Variants in PHF20 observed in about 807,000 individuals in gnomAD.
PHF20 encodes glioma-expressed antigen 2.
In PHF20, 23 loss-of-function variants were observed where a neutral mutation model predicts 113.5. That is an observed-to-expected ratio of 0.20 (90% confidence interval 0.15 to 0.29). PHF20 has a LOEUF of 0.29. Among genes scored for constraint, PHF20 ranks in the 10% least tolerant of loss-of-function variants. The pLI is 1.00. For synonymous variants in PHF20, 434 were observed against 457.3 expected (o/e 0.95, Z 0.65); for missense variants, 943 against 1,219.6 (o/e 0.77, Z 3.38).
chr20:35,904,076 A>C (rs976453563), intron 10 of PHF20, among the ~76,000 whole-genome samples: 1 of 152,018 alleles, frequency 6.6e-6, no homozygotes, highest in Non-Finnish European at 1.5e-5. Context: ...GGAATTTCAG[A>C]CAGTGTGGGG....
At chr20:35,934,719 A>G (rs887435326) in intron 15 of PHF20, among the ~76,000 whole-genome samples, 11 of 138,960 alleles carry the variant, frequency 7.9e-5, no homozygotes, top group African/African-American at 3.0e-4. Flanking sequence ...CCCTGCTTAT[A>G]CTTAGAAGTA....
Position 35,801,082 on chromosome 20 carries a change from C to T in PHF20, c.-32-409C>T, listed in dbSNP as rs117343000. Among the ~76,000 whole-genome samples the T allele has an allele frequency of 3.9e-5, 6 of 152,276 alleles. No homozygotes were observed. The East Asian group carries it at 1.2e-3, about 29-fold the overall frequency. On this transcript the variant is annotated intron_variant, in intron 1 of 17. Coordinates refer to ENST00000374012, the MANE Select transcript of PHF20 (RefSeq NM_016436.5). ...TGCTGGCTAAATTTTTGTGTTTCCCCGGTAGACTGAAGGGTTCTTGAGGGC... is the reference window on the plus strand; with the variant it reads ...TGCTGGCTAAATTTTTGTGTTTCCCTGGTAGACTGAAGGGTTCTTGAGGGC...
intron 6 of PHF20, among the ~76,000 whole-genome samples, chr20:35,865,839 C>T (rs1255190489): frequency 6.6e-6 from 1 of 152,040 alleles, no homozygotes; most frequent in African/African-American, 2.4e-5. Flanking sequence ...GTAAAAAATT[C>T]AAAATTGGCC....
At chr20:35,775,649 G>C (rs2146821067) in intron 1 of PHF20, among the ~76,000 whole-genome samples, 1 of 150,562 alleles carries the variant, frequency 6.6e-6, no homozygotes, top group South Asian at 2.1e-4. Context: ...AGCTACATGG[G>C]AGGCTGAGGC....
At chr20:35,931,777 C>G (rs2055759622) in intron 15 of PHF20, among the ~76,000 whole-genome samples, 1 of 151,822 alleles carries the variant, frequency 6.6e-6, no homozygotes, top group African/African-American at 2.4e-5. Context: ...ATGGTGAAAC[C>G]CTGTCTCTAC....
intron 13 of PHF20, among the ~76,000 whole-genome samples, chr20:35,920,530 T>C (rs2055491915): frequency 6.6e-6 from 1 of 152,368 alleles, no homozygotes; most frequent in Non-Finnish European, 1.5e-5. Flanking sequence ...TTTCTTTCAT[T>C]GTTGTAGAAC....
chr20:35,832,476 A>G (rs1394509559), intron 2 of PHF20, among the ~76,000 whole-genome samples: 1 of 152,200 alleles, frequency 6.6e-6, no homozygotes, highest in Non-Finnish European at 1.5e-5. Flanking sequence ...CAAATGAAAT[A>G]ATGACAGATT....
Position 35,949,620 on chromosome 20 carries a change from C to A in PHF20, c.*1993C>A, listed in dbSNP as rs967818054. 6.6e-6 allele frequency: 1 copy of A among 152,620 alleles called. No individual in the cohort carries two copies. The highest frequency in any genetic ancestry group is 1.5e-5 in the Non-Finnish European group (1 of 68,038). 9.5% of individuals were successfully genotyped at this position (152,620 alleles called of 1,614,324 possible). A position where few individuals can be genotyped will look rare whatever the true frequency, so the allele number is the denominator to read the frequency against. ...GGAAGCAGAGAAGACTCCCCAAGTTCTTATAACCTCATTGTGCTTCCCTAA... is the reference window on the plus strand; with the variant it reads ...GGAAGCAGAGAAGACTCCCCAAGTTATTATAACCTCATTGTGCTTCCCTAA... On this transcript the variant is annotated 3_prime_UTR_variant, in exon 18 of 18. Transcript: ENST00000374012.
chr20:35,899,343 C>A, intron 9 of PHF20, 27 bp from the exon 10 acceptor site: 1 of 1,576,816 alleles, frequency 6.3e-7, no homozygotes, highest in African/African-American at 1.4e-5. Context: ...TACAAGGAAC[C>A]TTTGCTTTTG....
At chr20:35,831,382 G>A (rs2075042714) in intron 2 of PHF20, among the ~76,000 whole-genome samples, 1 of 152,068 alleles carries the variant, frequency 6.6e-6, no homozygotes, top group Admixed American at 6.6e-5. Context: ...TTCCCATACT[G>A]ATCTCAAACT....
intron 9 of PHF20, among the ~76,000 whole-genome samples, chr20:35,877,525 C>G (rs2054552741): frequency 6.6e-6 from 1 of 151,164 alleles, no homozygotes; most frequent in Non-Finnish European, 1.5e-5. Flanking sequence ...TTTCGGCTCA[C>G]TGCAACCTCC....
intron 13 of PHF20, among the ~76,000 whole-genome samples, chr20:35,925,287 T>A (rs2055605758): frequency 6.6e-6 from 1 of 150,380 alleles, no homozygotes; most frequent in Non-Finnish European, 1.5e-5. Context: ...TGATATGGAA[T>A]CTCGCTCTGT....
chr20:35,916,343 G>A (rs2055403077), intron 12 of PHF20, among the ~76,000 whole-genome samples: 1 of 152,208 alleles, frequency 6.6e-6, no homozygotes, highest in Admixed American at 6.5e-5. Flanking sequence ...AACAGTATCT[G>A]CTTCAGAACA....
chr20:35,834,162 G>A (rs1254307696), intron 2 of PHF20, among the ~76,000 whole-genome samples: 1 of 152,100 alleles, frequency 6.6e-6, no homozygotes, highest in Middle Eastern at 3.4e-3. Flanking sequence ...TCCAGCCTGG[G>A]CTGGACATGG....
At chr20:35,919,551 G>C (rs1468547917) in intron 13 of PHF20, among the ~76,000 whole-genome samples, 2 of 152,068 alleles carry the variant, frequency 1.3e-5, no homozygotes, top group Non-Finnish European at 2.9e-5. Flanking sequence ...TATTGGCTAG[G>C]CTGGTCTTGA....
intron 1 of PHF20, among the ~76,000 whole-genome samples, chr20:35,784,749 A>C (rs543253562): frequency 6.6e-6 from 1 of 152,184 alleles, no homozygotes; most frequent in South Asian, 2.1e-4. Context: ...TTGTTTTTAA[A>C]AGCAATAAAG....
At chr20:35,931,823 C>T (rs1420574453) in intron 15 of PHF20, among the ~76,000 whole-genome samples, 2 of 151,726 alleles carry the variant, frequency 1.3e-5, no homozygotes, top group African/African-American at 2.4e-5. Context: ...TGCTGGTGTG[C>T]GCCTGTAATC....
intron 1 of PHF20, among the ~76,000 whole-genome samples, chr20:35,783,037 G>GA (rs572033297): frequency 4.1e-4 from 60 of 144,714 alleles, no homozygotes; most frequent in Admixed American, 4.2e-4. Flanking sequence ...CTATAACACA[G>GA]AAAAAAAAAA....
chr20:35,943,282 T>C (rs1229053587), intron 17 of PHF20, among the ~76,000 whole-genome samples: 2 of 151,964 alleles, frequency 1.3e-5, no homozygotes, highest in African/African-American at 4.8e-5. Flanking sequence ...GAGGTTGCAG[T>C]GAGCTGAGAT....
Sources: gnomAD v4.1 joint callset for allele counts (sites outside exome capture counted in the v4.1 genomes callset) on GRCh38, gnomAD v4.1.1 for gene constraint, MANE v1.5 for transcripts, NCBI Gene and HGNC (gene_info 2026-07-23, HGNC 2026-07-21) for gene names.